GALNTL6: variants seen among roughly 807,000 people sequenced by gnomAD.
GALNTL6 encodes the protein polypeptide N-acetylgalactosaminyltransferase-like 6.
Under a neutral mutation model 73.7 loss-of-function variants are expected in GALNTL6, and 46 were observed. That is an observed-to-expected ratio of 0.62 (90% CI 0.49 to 0.80). The LOEUF (loss-of-function observed/expected upper bound fraction) is 0.80. Among genes scored for constraint, GALNTL6 ranks in the 30% least tolerant of loss-of-function variants. GALNTL6 has a pLI of 0.00. For missense variants in GALNTL6, 604 were observed against 755.0 expected (o/e 0.80, Z 2.34); for synonymous variants, 259 against 263.7 (o/e 0.98, Z 0.17).
At chr4:172,933,642 T>C (rs1748467057) in intron 9 of GALNTL6, among the ~76,000 whole-genome samples, 1 of 152,180 alleles carries the variant, frequency 6.6e-6, no homozygotes, top group Admixed American at 6.5e-5. Context: ...TTATGGTTTT[T>C]TTAAGTTAAA....
intron 8 of GALNTL6, among the ~76,000 whole-genome samples, chr4:172,906,421 C>T (rs1175232645): frequency 6.6e-6 from 1 of 152,186 alleles, no homozygotes; most frequent in Non-Finnish European, 1.5e-5. Flanking sequence ...CCTGAAGTGA[C>T]TGTATTCATT....
At chr4:171,878,937 T>C (rs1736359808) in intron 2 of GALNTL6, among the ~76,000 whole-genome samples, 1 of 152,278 alleles carries the variant, frequency 6.6e-6, no homozygotes, top group South Asian at 2.1e-4. Context: ...AACGTGTCTA[T>C]TTCCCTTTCA....
At chr4:172,684,459 G>A (rs1052998254) in intron 5 of GALNTL6, among the ~76,000 whole-genome samples, 4 of 152,106 alleles carry the variant, frequency 2.6e-5, no homozygotes, top group Non-Finnish European at 5.9e-5. Context: ...TAAAAAAATG[G>A]TGTATGTAAA....
chr4:172,588,497 G>C (rs1161178314), intron 5 of GALNTL6, among the ~76,000 whole-genome samples: 1 of 150,742 alleles, frequency 6.6e-6, no homozygotes, highest in African/African-American at 2.4e-5. Context: ...GGGAGTCTAA[G>C]GTGCAGGAAT....
At chr4:172,220,239 CCCAAGT>C (rs1736630123) in intron 2 of GALNTL6, among the ~76,000 whole-genome samples, 1 of 151,556 alleles carries the variant, frequency 6.6e-6, no homozygotes, top group South Asian at 2.1e-4. Flanking sequence ...ACTGATAAAT[CCCAAGT>C]ACCTAAACAG....
chr4:172,529,570 T>C (rs1321595676), intron 5 of GALNTL6, among the ~76,000 whole-genome samples: 1 of 152,194 alleles, frequency 6.6e-6, no homozygotes, highest in African/African-American at 2.4e-5. Flanking sequence ...AATAAACACC[T>C]GTACCATAAG....
chr4:172,178,201 A>G (rs1735108495), intron 2 of GALNTL6, among the ~76,000 whole-genome samples: 1 of 152,128 alleles, frequency 6.6e-6, no homozygotes, highest in Non-Finnish European at 1.5e-5. Flanking sequence ...TGTTATAAGA[A>G]TTAGAGATAA....
At chr4:172,847,857 C>T (rs1249177996) in intron 7 of GALNTL6, among the ~76,000 whole-genome samples, 2 of 152,148 alleles carry the variant, frequency 1.3e-5, no homozygotes, top group African/African-American at 4.8e-5. Context: ...AGGGAGAGTG[C>T]ACAACTAGGG....
At chr4:171,876,353 G>A (rs1005304195) in intron 2 of GALNTL6, among the ~76,000 whole-genome samples, 1 of 152,136 alleles carries the variant, frequency 6.6e-6, no homozygotes, top group Non-Finnish European at 1.5e-5. Flanking sequence ...GAGGCAAAAT[G>A]AAATACAGAA....
At chr4:172,436,512 A>G (rs1172977169) in intron 5 of GALNTL6, among the ~76,000 whole-genome samples, 1 of 152,142 alleles carries the variant, frequency 6.6e-6, no homozygotes, top group Admixed American at 6.6e-5. Flanking sequence ...TTTCATAAAC[A>G]GAACTTCTAA....
intron 5 of GALNTL6, among the ~76,000 whole-genome samples, chr4:172,540,110 G>C (rs961200150): frequency 6.9e-6 from 1 of 145,502 alleles, no homozygotes; most frequent in African/African-American, 2.6e-5. Context: ...GAATGCAATA[G>C]TGCGATCTCA....
In GALNTL6 at chr4:172,533,300, G is replaced by A. The variant is rs917105907; in HGVS notation, c.553+184611G>A. Among the ~76,000 whole-genome samples, 318 of 145,094 alleles carry A rather than the reference G, an allele frequency of 2.2e-3. 2 individuals are homozygous for A. Among genetic ancestry groups the A allele is most frequent in the African/African-American group, 7.7e-3 (300 of 38,836 alleles). The stretch of plus-strand genomic sequence containing the variant: ...AGTGCTGAGATTACAGGCGTGAGCC[G>A]CCGTGCCCGGCCAGAATTTTTTTTT... On this transcript the variant is annotated intron_variant, in intron 5 of 12. Transcript: ENST00000506823.
chr4:172,619,430 C>T (rs185096120), intron 5 of GALNTL6, among the ~76,000 whole-genome samples: 8 of 152,224 alleles, frequency 5.3e-5, no homozygotes, highest in Non-Finnish European at 8.8e-5. Flanking sequence ...GATAACAAAA[C>T]GAGAGGTTTT....
chr4:172,639,470 C>G (rs183981497), intron 5 of GALNTL6, among the ~76,000 whole-genome samples: 99 of 152,182 alleles, frequency 6.5e-4, no homozygotes, highest in African/African-American at 1.8e-3. Flanking sequence ...CTACTCTTTG[C>G]CTAGAACTAT....
chr4:172,821,838 A>C (rs887273277), intron 7 of GALNTL6, among the ~76,000 whole-genome samples: 3 of 152,204 alleles, frequency 2.0e-5, no homozygotes, highest in African/African-American at 7.2e-5. Context: ...TTTAAATGTA[A>C]AGTAAAATAG....
chr4:172,429,058 A>G (rs1403665474), intron 5 of GALNTL6, among the ~76,000 whole-genome samples: 2 of 152,034 alleles, frequency 1.3e-5, no homozygotes, highest in Non-Finnish European at 2.9e-5. Flanking sequence ...CACTGTCTTC[A>G]CCTAGTGGAA....
intron 2 of GALNTL6, among the ~76,000 whole-genome samples, chr4:171,882,277 T>G (rs941108865): frequency 2.0e-5 from 3 of 152,362 alleles, no homozygotes; most frequent in South Asian, 2.1e-4. Flanking sequence ...ATTTACAGTG[T>G]ACTTGCCTGA....
intron 2 of GALNTL6, among the ~76,000 whole-genome samples, chr4:171,957,134 G>A (rs1173973255): frequency 1.3e-5 from 2 of 152,106 alleles, no homozygotes; most frequent in African/African-American, 2.4e-5. Flanking sequence ...TCTCAGGAAG[G>A]CCATCTCTGA....
At position 173,023,790 on chromosome 4, in the gene GALNTL6, C is replaced by T. The variant is rs535741127; in HGVS notation, c.1638+2165C>T. ...TATCACTGCAATAGTAAAACCTCGC[C>T]GTTTTCTTTATGAAATGTATAATAA... On this transcript the variant is annotated intron_variant, in intron 12 of 12. Coordinates refer to ENST00000506823, the MANE Select transcript of GALNTL6 (RefSeq NM_001034845.3). Among the ~76,000 whole-genome samples, 13 of 152,066 alleles carry T rather than the reference C, an allele frequency of 8.5e-5. No individual in the cohort carries two copies. In the South Asian group the frequency reaches 2.5e-3, roughly 29 times the overall value.
Sources: allele counts gnomAD v4.1 joint callset (sites outside exome capture counted in the v4.1 genomes callset), GRCh38; gene constraint gnomAD v4.1.1; transcripts MANE v1.5; gene names NCBI Gene and HGNC (gene_info 2026-07-23, HGNC 2026-07-21).